CNTN4: variants seen among roughly 807,000 people sequenced by gnomAD.
CNTN4 encodes the protein contactin-4.
A neutral mutation model predicts 122.5 loss-of-function variants in CNTN4; 77 were observed. That is an observed-to-expected ratio of 0.63 (90% CI 0.52 to 0.76). The LOEUF is 0.76. Ranked by LOEUF, CNTN4 falls within the 30% of genes least tolerant of loss-of-function variation. CNTN4 has a pLI of 0.00. For synonymous variants in CNTN4, 512 were observed against 447.0 expected, an observed-to-expected ratio of 1.15 and a Z score of -1.83; for missense variants, 1,256 against 1,259.1, an observed-to-expected ratio of 1.00 and a Z score of 0.04.
intron 3 of CNTN4, among the ~76,000 whole-genome samples, chr3:2,402,957 T>G (rs928120190): frequency 2.6e-5 from 4 of 152,098 alleles, no homozygotes; most frequent in African/African-American, 9.7e-5. Flanking sequence ...CTGGGTGGCT[T>G]AAATAACATA....
intron 4 of CNTN4, among the ~76,000 whole-genome samples, chr3:2,686,219 G>T (rs1198428410): frequency 6.6e-6 from 1 of 152,090 alleles, no homozygotes. Context: ...CATGCATGAT[G>T]CATGCAGCCT....
At chr3:2,933,268 C>T (rs757706514) in intron 13 of CNTN4, among the ~76,000 whole-genome samples, 5 of 152,100 alleles carry the variant, frequency 3.3e-5, no homozygotes, top group Non-Finnish European at 7.4e-5. Flanking sequence ...TTTTCCTCTC[C>T]GTGGGAAGAT....
At chr3:2,306,038 G>T (rs1575327761) in intron 2 of CNTN4, among the ~76,000 whole-genome samples, 1 of 152,230 alleles carries the variant, frequency 6.6e-6, no homozygotes, top group Non-Finnish European at 1.5e-5. Flanking sequence ...TTCATCATTT[G>T]ATGGACTTTG....
At chr3:2,738,880 C>A (rs1045497483) in intron 5 of CNTN4, among the ~76,000 whole-genome samples, 1 of 151,900 alleles carries the variant, frequency 6.6e-6, no homozygotes, top group Non-Finnish European at 1.5e-5. Context: ...AAAAATACAA[C>A]TTATAAAAGA....
chr3:2,353,421 C>T (rs2044726716), intron 3 of CNTN4, among the ~76,000 whole-genome samples: 1 of 152,142 alleles, frequency 6.6e-6, no homozygotes, highest in African/African-American at 2.4e-5. Context: ...TCCCCTTCCA[C>T]ATTGTGGAAG....
At chr3:2,888,235 T>C (rs887576478) in intron 10 of CNTN4, among the ~76,000 whole-genome samples, 4 of 152,146 alleles carry the variant, frequency 2.6e-5, no homozygotes, top group African/African-American at 9.6e-5. Flanking sequence ...GGGCCCAGAG[T>C]AACATTGAAA....
At chr3:2,589,857 T>C (rs1281710779) in intron 4 of CNTN4, among the ~76,000 whole-genome samples, 1 of 152,166 alleles carries the variant, frequency 6.6e-6, no homozygotes, top group Non-Finnish European at 1.5e-5. Flanking sequence ...ACATGGCCTG[T>C]GGCTTCCCTC....
intron 12 of CNTN4, among the ~76,000 whole-genome samples, chr3:2,915,710 A>G (rs1339109032): frequency 1.3e-5 from 2 of 152,190 alleles, no homozygotes; most frequent in African/African-American, 4.8e-5. Context: ...TATATATTCA[A>G]AATAACTGAA....
At chr3:3,002,433 G>A (rs1696142601) in intron 14 of CNTN4, among the ~76,000 whole-genome samples, 1 of 152,176 alleles carries the variant, frequency 6.6e-6, no homozygotes. Flanking sequence ...AAAAAAGAGA[G>A]AAACAGAGAT....
chr3:2,894,120 C>T (rs1243688251), intron 10 of CNTN4, among the ~76,000 whole-genome samples: 1 of 152,022 alleles, frequency 6.6e-6, no homozygotes, highest in Non-Finnish European at 1.5e-5. Context: ...TATATTTTTG[C>T]AAATCTCTGT....
At chr3:2,916,627 G>A (rs2094359439) in intron 12 of CNTN4, among the ~76,000 whole-genome samples, 1 of 122,820 alleles carries the variant, frequency 8.1e-6, no homozygotes, top group Non-Finnish European at 1.7e-5. Context: ...GCAACAATCT[G>A]ATTTCTCTTT....
intron 13 of CNTN4, among the ~76,000 whole-genome samples, chr3:2,978,571 A>T (rs1309346898): frequency 1.3e-5 from 2 of 152,224 alleles, no homozygotes; most frequent in African/African-American, 2.4e-5. Flanking sequence ...TTTATATGAA[A>T]TCATACAATT....
intron 3 of CNTN4, among the ~76,000 whole-genome samples, chr3:2,353,853 G>T (rs1028273064): frequency 4.6e-5 from 7 of 151,812 alleles, no homozygotes; most frequent in African/African-American, 1.7e-4. Context: ...GAGCCAAGAT[G>T]GCGCCACCGC....
At chr3:2,889,293 G>T (rs568484200) in intron 10 of CNTN4, among the ~76,000 whole-genome samples, 1 of 152,234 alleles carries the variant, frequency 6.6e-6, no homozygotes, top group South Asian at 2.1e-4. Context: ...GATGAGCTGG[G>T]CAGTAGCTGT....
At chr3:2,888,091 A>C (rs960660330) in intron 10 of CNTN4, among the ~76,000 whole-genome samples, 1 of 152,178 alleles carries the variant, frequency 6.6e-6, no homozygotes, top group Non-Finnish European at 1.5e-5. Flanking sequence ...AAATGTTCTT[A>C]TTTCTTGCAG....
intron 3 of CNTN4, among the ~76,000 whole-genome samples, chr3:2,430,853 T>C (rs760548523): frequency 3.7e-4 from 56 of 152,286 alleles, no homozygotes; most frequent in Admixed American, 1.4e-3. Flanking sequence ...AGAAGACAGA[T>C]GTGCTCAAAT....
chr3:2,268,184 TATTCTCTAAGACTAAGAGAAC>T (rs748676951), intron 2 of CNTN4, among the ~76,000 whole-genome samples: 2 of 152,138 alleles, frequency 1.3e-5, no homozygotes, highest in Non-Finnish European at 2.9e-5. Flanking sequence ...CAGGTAGGAC[TATTCTCTAAGACTAAGAGAAC>T]ATTAGTCAGG....
At chr3:2,664,061 A>T (rs1251708808) in intron 4 of CNTN4, among the ~76,000 whole-genome samples, 1 of 152,176 alleles carries the variant, frequency 6.6e-6, no homozygotes, top group African/African-American at 2.4e-5. Flanking sequence ...TTTTGCAGGA[A>T]TTAGGAAAAT....
chr3:2,321,153 A>G (rs1290475282), intron 2 of CNTN4, among the ~76,000 whole-genome samples: 2 of 152,136 alleles, frequency 1.3e-5, no homozygotes, highest in African/African-American at 4.8e-5. Context: ...ATTTTAATTC[A>G]CAGAGCACAT....
Sources: gnomAD v4.1 joint callset for allele counts (sites outside exome capture counted in the v4.1 genomes callset) on GRCh38, gnomAD v4.1.1 for gene constraint, MANE v1.5 for transcripts, NCBI Gene and HGNC (gene_info 2026-07-23, HGNC 2026-07-21) for gene names.